The following C8orf88 variants were observed in gnomAD, a reference collection of about 807,000 sequenced individuals.
C8orf88 encodes the protein chromosome 8 open reading frame 88, also known as uncharacterized protein C8orf88.
In C8orf88, 14 loss-of-function variants were observed where a neutral mutation model predicts 18.4. The observed-to-expected ratio is 0.76, with a 90% CI of 0.50 to 1.19. C8orf88 has a LOEUF of 1.19. Ranked by LOEUF, C8orf88 falls within the 50% of genes most tolerant of loss-of-function variation. C8orf88 has a pLI of 0.00. For synonymous variants in C8orf88, 45 were observed against 42.9 expected (o/e 1.05, Z -0.19); for missense variants, 116 against 134.7 (o/e 0.86, Z 0.69).
chr8:90,968,737 T>C (rs1811241922), intron 4 of C8orf88, among the ~76,000 whole-genome samples: 1 of 138,408 alleles, frequency 7.2e-6, no homozygotes, highest in Non-Finnish European at 1.6e-5. Flanking sequence ...AGATAATAGA[T>C]AAGAGTCTAA....
At chr8:90,984,251 A>G (rs964714170) in intron 1 of C8orf88, among the ~76,000 whole-genome samples, 26 of 152,242 alleles carry the variant, frequency 1.7e-4, no homozygotes, top group African/African-American at 6.3e-4. Context: ...TACCTTGTGT[A>G]TAATTCCCAT....
chr8:90,958,950 T>A lies in C8orf88; in HGVS notation c.*57A>T. The A allele has an allele frequency of 9.3e-7, 1 of 1,076,442 alleles. No homozygotes were observed. Among genetic ancestry groups the A allele is most frequent in the East Asian group, 2.8e-5 (1 of 35,798 alleles). The allele number at this position is 1,076,442 out of a possible 1,614,324, so 66.7% of individuals were successfully genotyped here. The stretch of plus-strand genomic sequence containing the variant: ...TGTCACAGTCCATTACAGTTATTGT[T>A]GCTAGATCCACCTCATTTGCAGATG... On this transcript the variant is annotated 3_prime_UTR_variant, in exon 6 of 6. Coordinates refer to ENST00000517562, the MANE Select transcript of C8orf88 (RefSeq NM_001190972.2).
Position 90,980,356 on chromosome 8 carries a change from T to C in C8orf88, c.73+7A>G. On this transcript the variant is annotated splice_region_variant and intron_variant, in intron 2 of 5. Coordinates refer to ENST00000517562, the MANE Select transcript of C8orf88 (RefSeq NM_001190972.2). ...ATATTTAAAGAACTGTACAATCTATTACTCACCTGGGGGAGAAGTCAGATG... is the reference window on the plus strand; with the variant it reads ...ATATTTAAAGAACTGTACAATCTATCACTCACCTGGGGGAGAAGTCAGATG... 1 of 1,516,170 alleles carries C rather than the reference T, an allele frequency of 6.6e-7. No individual in the cohort carries two copies. The highest frequency in any genetic ancestry group is 8.8e-7 in the Non-Finnish European group (1 of 1,136,892). The allele number at this position is 1,516,170 out of a possible 1,614,324, so 93.9% of individuals were successfully genotyped here.
intron 4 of C8orf88, among the ~76,000 whole-genome samples, chr8:90,968,076 A>C (rs535378542): frequency 9.9e-5 from 15 of 151,778 alleles, no homozygotes; most frequent in Non-Finnish European, 2.1e-4. Context: ...CGTTGATCTC[A>C]AAATATCAAA....
chr8:90,964,132 T>C (rs1356953283), intron 4 of C8orf88, among the ~76,000 whole-genome samples: 1 of 151,660 alleles, frequency 6.6e-6, no homozygotes, highest in Non-Finnish European at 1.5e-5. Flanking sequence ...AACCAACATA[T>C]TATATTTTCA....
chr8:90,980,339 A>G lies in C8orf88; in HGVS notation c.73+24T>C, dbSNP rs1563555956. On this transcript the variant is annotated intron_variant, in intron 2 of 5. Coordinates refer to ENST00000517562, the MANE Select transcript of C8orf88 (RefSeq NM_001190972.2). ...TAGTCATTAACACATTAATATTTAA[A>G]GAACTGTACAATCTATTACTCACCT... The G allele has an allele frequency of 2.8e-6, 4 of 1,433,234 alleles. No homozygotes were observed. The South Asian group carries it at 5.6e-5, about 20-fold the overall frequency. The allele number at this position is 1,433,234 out of a possible 1,614,324, so 88.8% of individuals were successfully genotyped here.
At chr8:90,970,207 T>C (rs992210495) in intron 4 of C8orf88, among the ~76,000 whole-genome samples, 3 of 151,934 alleles carry the variant, frequency 2.0e-5, no homozygotes, top group African/African-American at 7.2e-5. Flanking sequence ...GAAATAACTA[T>C]GTGGTGGGGA....
At position 90,978,635 on chromosome 8, in the gene C8orf88, T is replaced by C; in HGVS notation, c.91A>G (p.Asn31Asp). Residue 31 changes from asparagine to aspartate, a missense_variant, in exon 3 of 6, where the codon AAC (asparagine) becomes GAC (aspartate). Asn to Asp is a conservative substitution (Grantham distance 23). Coordinates refer to ENST00000517562, the MANE Select transcript of C8orf88 (RefSeq NM_001190972.2). ...TSPPGAVFPF[N>D]FQNEYPCNTQ... ...TTGCATGGATATTCGTTTTGAAAGT[T>C]GAAAGGGAACACTGCTCCTGTTAGG... 6.5e-7 allele frequency: 1 copy of C among 1,527,970 alleles called. No homozygotes were observed. The highest frequency in any genetic ancestry group is 8.8e-7 in the Non-Finnish European group (1 of 1,142,240). 94.7% of individuals were successfully genotyped at this position (1,527,970 alleles called of 1,614,324 possible).
intron 3 of C8orf88, among the ~76,000 whole-genome samples, chr8:90,977,811 G>A (rs534218122): frequency 4.6e-5 from 7 of 152,180 alleles, no homozygotes; most frequent in South Asian, 2.1e-4. Context: ...GCTAGGTGTC[G>A]TGGCGGGTGC....
chr8:90,967,502 A>ACTT (rs1811218633), intron 4 of C8orf88, among the ~76,000 whole-genome samples: 1 of 151,730 alleles, frequency 6.6e-6, no homozygotes, highest in Admixed American at 6.6e-5. Flanking sequence ...TGTTTAGTAG[A>ACTT]CAAGTGTTTA....
In C8orf88 at chr8:90,985,222, C is replaced by A. The variant is rs927426665; in HGVS notation, c.-135G>T. 1.4e-4 allele frequency: 20 copies of A among 144,442 alleles called. No individual in the cohort carries two copies. Among genetic ancestry groups the A allele is most frequent in the African/African-American group, 4.5e-4 (18 of 39,864 alleles). The allele number at this position is 144,442 out of a possible 1,614,324, so 8.9% of individuals were successfully genotyped here. On this transcript the variant is annotated 5_prime_UTR_variant, in exon 1 of 6. Coordinates refer to ENST00000517562, the MANE Select transcript of C8orf88 (RefSeq NM_001190972.2). ...CGGGGAACGGCTCCTGCCGCTGGTC[C>A]GCTGGCTGACCGCGGTGGCGGCGGC... is the stretch of plus-strand genomic sequence containing the variant.
rs1811486851 is a variant in C8orf88 at position 90,985,142 on chromosome 8, C to A, written c.-55G>T. ...CTCAAAATCCACGGGGATTTCGGGG[C>A]AGCAGCGTCGCCGCGCTCAGCCCAC... is the stretch of plus-strand genomic sequence containing the variant. On this transcript the variant is annotated 5_prime_UTR_variant, in exon 1 of 6. Coordinates refer to ENST00000517562, the MANE Select transcript of C8orf88 (RefSeq NM_001190972.2). The A allele has an allele frequency of 6.6e-6, 1 of 152,068 alleles. No individual in the cohort carries two copies. Among genetic ancestry groups the A allele is most frequent in the African/African-American group, 2.4e-5 (1 of 41,446 alleles). 9.4% of individuals were successfully genotyped at this position (152,068 alleles called of 1,614,324 possible). A position where few individuals can be genotyped will look rare whatever the true frequency, so the allele number is the denominator to read the frequency against.
intron 1 of C8orf88, among the ~76,000 whole-genome samples, chr8:90,982,855 T>G (rs568344136): frequency 6.6e-6 from 1 of 152,240 alleles, no homozygotes; most frequent in East Asian, 1.9e-4. Context: ...TCCACCATCA[T>G]GTTATTAATG....
chr8:90,960,845 C>T lies in C8orf88; in HGVS notation c.227G>A (p.Arg76Lys). Residue 76 changes from arginine to lysine, a missense_variant, in exon 5 of 6, where the codon AGA becomes AAA. Arg to Lys is a conservative substitution (Grantham distance 26). Coordinates refer to ENST00000517562, the MANE Select transcript of C8orf88 (RefSeq NM_001190972.2). ...QQQQSPVKKE[R>K]IKYSRDFLLK... is the part of the protein sequence containing the mutation. ...CAGGAAATCTCTGCTGTATTTAATT[C>T]TCTCTGTAGATATTAAACATCAAAT... The T allele has an allele frequency of 6.6e-7, 1 of 1,504,000 alleles. No individual in the cohort carries two copies. Among genetic ancestry groups the T allele is most frequent in the Non-Finnish European group, 8.9e-7 (1 of 1,119,082 alleles). The allele number at this position is 1,504,000 out of a possible 1,614,324, so 93.2% of individuals were successfully genotyped here.
At chr8:90,962,759 CCTAA>C (rs539132323) in intron 4 of C8orf88, among the ~76,000 whole-genome samples, 27 of 151,610 alleles carry the variant, frequency 1.8e-4, no homozygotes, top group Admixed American at 2.6e-4. Context: ...GTACTTCACA[CCTAA>C]CTAAGAATTC....
chr8:90,961,832 G>A (rs1811132797), intron 4 of C8orf88, among the ~76,000 whole-genome samples: 1 of 151,594 alleles, frequency 6.6e-6, no homozygotes, highest in Admixed American at 6.6e-5. Flanking sequence ...TATAAAAACA[G>A]GAATTGGTCT....
At chr8:90,976,947 A>G (rs879783144) in intron 3 of C8orf88, among the ~76,000 whole-genome samples, 5 of 152,166 alleles carry the variant, frequency 3.3e-5, no homozygotes, top group Non-Finnish European at 5.9e-5. Flanking sequence ...ATATCACTAC[A>G]TTAATATTTA....
chr8:90,980,887 C>G (rs1450747522), intron 1 of C8orf88, among the ~76,000 whole-genome samples: 1 of 152,046 alleles, frequency 6.6e-6, no homozygotes, highest in African/African-American at 2.4e-5. Flanking sequence ...TGGGGTCTCA[C>G]TATGTTGCCC....
rs1811258601 is a variant in C8orf88 at position 90,969,827 on chromosome 8, G to T, written c.223+1239C>A. On this transcript the variant is annotated intron_variant, in intron 4 of 5. Coordinates refer to ENST00000517562, the MANE Select transcript of C8orf88 (RefSeq NM_001190972.2). ...TCAATTTTTTAAAAAAGAAACCAAAGGATTATAAAGGGATATCCCAAGATA... is the reference window on the plus strand; with the variant it reads ...TCAATTTTTTAAAAAAGAAACCAAATGATTATAAAGGGATATCCCAAGATA... Among the ~76,000 whole-genome samples, 5 of 151,382 alleles carry T rather than the reference G, an allele frequency of 3.3e-5. No individual in the cohort carries two copies. In the South Asian group the frequency reaches 1.0e-3, roughly 31 times the overall value.
Sources: allele counts gnomAD v4.1 joint callset (sites outside exome capture counted in the v4.1 genomes callset), GRCh38; gene constraint gnomAD v4.1.1; transcripts MANE v1.5; gene names NCBI Gene and HGNC (gene_info 2026-07-23, HGNC 2026-07-21).